TEX9: variants seen among roughly 807,000 people sequenced by gnomAD.
TEX9 encodes testis-expressed protein 9.
TEX9 carries 74 observed loss-of-function variants against 59.6 expected under a neutral mutation model. The ratio of observed to expected loss-of-function variants is 1.24; its 90% CI spans 1.03 to 1.51. TEX9 has a LOEUF of 1.51. Among genes scored for constraint, TEX9 ranks in the 40% most tolerant of loss-of-function variants. The pLI, the probability that TEX9 is intolerant of heterozygous loss-of-function variation, is 0.00. For missense variants in TEX9, 522 were observed against 447.8 expected, an observed-to-expected ratio of 1.17 and a Z score of -1.49; for synonymous variants, 186 against 152.2, an observed-to-expected ratio of 1.22 and a Z score of -1.64.
At chr15:56,354,111 T>C (rs1164769627) in intron 1 of TEX9, among the ~76,000 whole-genome samples, 1 of 152,224 alleles carries the variant, frequency 6.6e-6, no homozygotes, top group African/African-American at 2.4e-5. Flanking sequence ...GAATCCTTCC[T>C]GGCTTTTAAG....
chr15:56,327,691 G>C (rs1403941757), intron 1 of TEX9, among the ~76,000 whole-genome samples: 2 of 152,144 alleles, frequency 1.3e-5, no homozygotes, highest in Admixed American at 1.3e-4. Flanking sequence ...CTGTGCGTTT[G>C]CGAGAGGGAG....
intron 1 of TEX9, among the ~76,000 whole-genome samples, chr15:56,301,357 A>C (rs1266616299): frequency 6.6e-6 from 1 of 152,170 alleles, no homozygotes; most frequent in African/African-American, 2.4e-5. Flanking sequence ...TCAAAAGGGC[A>C]AATATAAGAG....
exon 2 of TEX9, chr15:56,365,628 C>G (rs34409131): frequency 1.5e-5 from 25 of 1,614,092 alleles, no homozygotes; most frequent in Non-Finnish European, 2.0e-5. Flanking sequence ...CAGCAACCCT[C>G]TACACCTGGA....
intron 12 of TEX9, chr15:56,429,416 A>G (rs1437692166): frequency 7.5e-6 from 3 of 400,770 alleles, no homozygotes; most frequent in Non-Finnish European, 1.3e-5. Flanking sequence ...TATCAGCTCT[A>G]GTGTAGGAGC....
intron 3 of TEX9, among the ~76,000 whole-genome samples, chr15:56,378,249 T>G (rs1596143473): frequency 6.6e-6 from 1 of 152,208 alleles, no homozygotes; most frequent in Non-Finnish European, 1.5e-5. Flanking sequence ...AGTTTGGAAG[T>G]ATTCCCTCCT....
intron 1 of TEX9, among the ~76,000 whole-genome samples, chr15:56,262,838 G>A (rs967109109): frequency 3.6e-4 from 55 of 152,170 alleles, no homozygotes; most frequent in African/African-American, 1.2e-3. Context: ...TTGATCCCTC[G>A]ATCTTTATAA....
intron 1 of TEX9, among the ~76,000 whole-genome samples, chr15:56,271,409 TC>T (rs1300781664): frequency 6.6e-6 from 1 of 152,220 alleles, no homozygotes; most frequent in Non-Finnish European, 1.5e-5. Flanking sequence ...TGATACCCTT[TC>T]TTCCACTTAA....
intron 1 of TEX9, among the ~76,000 whole-genome samples, chr15:56,269,639 GTTTCT>G (rs1359426344): frequency 3.7e-4 from 55 of 148,728 alleles, no homozygotes; most frequent in African/African-American, 1.3e-3. Flanking sequence ...TTCTGAATGA[GTTTCT>G]TTTCTTTTCT....
chr15:56,391,404 A>G (rs749465576), exon 7 of TEX9: 1 of 1,553,382 alleles, frequency 6.4e-7, no homozygotes, highest in Non-Finnish European at 8.7e-7. Context: ...GGTGTTAGTA[A>G]TGACATTGGA....
At chr15:56,382,738 C>T (rs934961510) in intron 3 of TEX9, among the ~76,000 whole-genome samples, 1 of 152,264 alleles carries the variant, frequency 6.6e-6, no homozygotes, top group South Asian at 2.1e-4. Flanking sequence ...AGGTGGTATC[C>T]GAGATGCAAG....
At chr15:56,254,771 AATT>A (rs1163904214) in intron 1 of TEX9, among the ~76,000 whole-genome samples, 10 of 150,758 alleles carry the variant, frequency 6.6e-5, no homozygotes, top group South Asian at 2.1e-4. Flanking sequence ...AAGAAAATAT[AATT>A]ATTGTATATA....
intron 2 of TEX9, among the ~76,000 whole-genome samples, chr15:56,367,562 A>C (rs1025472300): frequency 6.6e-6 from 1 of 152,254 alleles, no homozygotes; most frequent in Non-Finnish European, 1.5e-5. Context: ...ATAATACCAG[A>C]TAGCTAAACA....
At chr15:56,426,432 T>G (rs543464272) in intron 10 of TEX9, among the ~76,000 whole-genome samples, 4 of 151,428 alleles carry the variant, frequency 2.6e-5, no homozygotes, top group African/African-American at 9.7e-5. Context: ...ACTGACTGAT[T>G]GGTTTCTAGA....
At chr15:56,438,860 C>T (rs993523439) in intron 12 of TEX9, among the ~76,000 whole-genome samples, 1 of 152,140 alleles carries the variant, frequency 6.6e-6, no homozygotes, top group Admixed American at 6.6e-5. Context: ...CAAAAGAAGA[C>T]ATTTATGCAG....
At chr15:56,352,415 T>G (rs2141881525) in intron 1 of TEX9, among the ~76,000 whole-genome samples, 1 of 151,948 alleles carries the variant, frequency 6.6e-6, no homozygotes, top group East Asian at 1.9e-4. Context: ...CAGCTAATTT[T>G]TTTTTTTTTG....
intron 1 of TEX9, among the ~76,000 whole-genome samples, chr15:56,267,107 C>G (rs1418636719): frequency 6.6e-6 from 1 of 152,060 alleles, no homozygotes; most frequent in Non-Finnish European, 1.5e-5. Context: ...TGTGTCTGTT[C>G]ACTGTATAAA....
At chr15:56,338,880 T>C (rs2718907) in intron 1 of TEX9, among the ~76,000 whole-genome samples, 148,836 of 152,188 alleles carry the variant, frequency 0.98, 72,868 homozygotes, top group East Asian at 1. Flanking sequence ...ATCACACCAT[T>C]GGTCTCCAGC....
upstream of TEX9, among the ~76,000 whole-genome samples, chr15:56,360,776 C>T (rs1261756706): frequency 6.6e-6 from 1 of 152,164 alleles, no homozygotes. Flanking sequence ...CCATATACAA[C>T]AGGCCTTCCT....
chr15:56,332,328 A>G (rs1202629087), intron 1 of TEX9, among the ~76,000 whole-genome samples: 1 of 151,728 alleles, frequency 6.6e-6, no homozygotes, highest in Non-Finnish European at 1.5e-5. Flanking sequence ...AGGGACATGG[A>G]TGAAATTGGA....
Sources: allele counts gnomAD v4.1 joint callset (sites outside exome capture counted in the v4.1 genomes callset), GRCh38; gene constraint gnomAD v4.1.1; transcripts MANE v1.5; gene names NCBI Gene and HGNC (gene_info 2026-07-23, HGNC 2026-07-21).